The following NRG3 variants were observed in gnomAD, a reference collection of about 807,000 sequenced individuals.
The protein encoded by NRG3 is pro-neuregulin-3, membrane-bound isoform.
In NRG3, 31 loss-of-function variants were observed where a neutral mutation model predicts 66.9. The observed-to-expected ratio is 0.46, with a 90% CI of 0.35 to 0.63. The LOEUF is 0.63. Ranked by LOEUF, NRG3 falls within the 20% of genes least tolerant of loss-of-function variation. The pLI, the probability that NRG3 is intolerant of heterozygous loss-of-function variation, is 0.00. For synonymous variants in NRG3, 393 were observed against 359.4 expected (o/e 1.09, Z -1.06); for missense variants, 910 against 878.9 (o/e 1.04, Z -0.45).
chr10:82,698,158 C>G (rs1243098752), intron 2 of NRG3, among the ~76,000 whole-genome samples: 1 of 147,166 alleles, frequency 6.8e-6, no homozygotes, highest in Non-Finnish European at 1.5e-5. Flanking sequence ...AAAAGCATCT[C>G]AGTTCATAAC....
intron 1 of NRG3, among the ~76,000 whole-genome samples, chr10:82,071,732 G>A (rs1201726944): frequency 6.6e-6 from 1 of 152,068 alleles, no homozygotes; most frequent in Admixed American, 6.6e-5. Flanking sequence ...TCATCACTCT[G>A]GACACTGTGT....
chr10:82,881,646 A>G (rs981679726), intron 4 of NRG3, among the ~76,000 whole-genome samples: 1 of 152,148 alleles, frequency 6.6e-6, no homozygotes, highest in African/African-American at 2.4e-5. Context: ...ACATTTATCA[A>G]ATTTTGACTT....
intron 4 of NRG3, among the ~76,000 whole-genome samples, chr10:82,925,895 A>G (rs1454547267): frequency 6.6e-6 from 1 of 152,212 alleles, no homozygotes; most frequent in East Asian, 1.9e-4. Context: ...GCCCAGGCTA[A>G]TGCAACTAGC....
intron 1 of NRG3, among the ~76,000 whole-genome samples, chr10:82,249,783 C>T (rs1237087053): frequency 6.6e-6 from 1 of 152,186 alleles, no homozygotes; most frequent in Non-Finnish European, 1.5e-5. Context: ...TTTTGCAATA[C>T]ATTCTTTCGT....
intron 1 of NRG3, among the ~76,000 whole-genome samples, chr10:82,295,271 A>G (rs1030749201): frequency 3.3e-5 from 5 of 152,208 alleles, no homozygotes; most frequent in African/African-American, 1.2e-4. Flanking sequence ...TAAGATGTAG[A>G]TGGGATTCCA....
At chr10:82,328,665 G>A (rs946492180) in intron 1 of NRG3, among the ~76,000 whole-genome samples, 17 of 152,146 alleles carry the variant, frequency 1.1e-4, no homozygotes, top group Non-Finnish European at 1.9e-4. Flanking sequence ...CTGCCTTGGA[G>A]TGATTTCAAG....
At chr10:82,969,710 C>T (rs1851554087) in intron 6 of NRG3, among the ~76,000 whole-genome samples, 1 of 152,180 alleles carries the variant, frequency 6.6e-6, no homozygotes, top group East Asian at 1.9e-4. Context: ...TCCCTAGTCT[C>T]CATAGCTTAT....
intron 2 of NRG3, among the ~76,000 whole-genome samples, chr10:82,410,214 G>A (rs936005895): frequency 2.6e-5 from 4 of 152,076 alleles, no homozygotes; most frequent in Non-Finnish European, 5.9e-5. Context: ...ATCTATGGCT[G>A]GGCGTGGTGG....
chr10:82,348,593 TC>T (rs1210547269), intron 1 of NRG3, among the ~76,000 whole-genome samples: 1 of 146,708 alleles, frequency 6.8e-6, no homozygotes, highest in Non-Finnish European at 1.5e-5. Context: ...TCTCTGTATT[TC>T]CTGAATCTGA....
chr10:82,682,398 CAGATAGAT>C (rs57109130), intron 2 of NRG3, among the ~76,000 whole-genome samples: 6,551 of 149,604 alleles, frequency 0.044, 168 homozygotes, highest in Admixed American at 0.086. Flanking sequence ...AGTAGATAGA[CAGATAGAT>C]AGATAGATAG....
intron 4 of NRG3, among the ~76,000 whole-genome samples, chr10:82,881,092 A>C (rs552851333): frequency 1.3e-5 from 2 of 152,336 alleles, no homozygotes; most frequent in East Asian, 3.9e-4. Flanking sequence ...TTATGCACAA[A>C]ATACTAAACT....
intron 1 of NRG3, among the ~76,000 whole-genome samples, chr10:82,325,102 A>G (rs2081794809): frequency 6.6e-6 from 1 of 152,162 alleles, no homozygotes; most frequent in Admixed American, 6.5e-5. Context: ...AGCTGCATAG[A>G]TATTTATCAT....
chr10:82,340,011 G>C (rs1475029357), intron 1 of NRG3, among the ~76,000 whole-genome samples: 2 of 152,112 alleles, frequency 1.3e-5, no homozygotes, highest in Non-Finnish European at 2.9e-5. Flanking sequence ...CGGTCAGCCA[G>C]AGTGAATACT....
At chr10:82,548,644 G>A (rs1024144201) in intron 2 of NRG3, among the ~76,000 whole-genome samples, 8 of 151,920 alleles carry the variant, frequency 5.3e-5, no homozygotes, top group African/African-American at 1.5e-4. Flanking sequence ...CCAAATAGAT[G>A]TGTTCAGGAG....
At chr10:82,138,618 G>A (rs1270641084) in intron 1 of NRG3, among the ~76,000 whole-genome samples, 4 of 152,106 alleles carry the variant, frequency 2.6e-5, no homozygotes, top group Non-Finnish European at 4.4e-5. Context: ...AAAGTCCCAC[G>A]ATAGGCCATC....
chr10:82,456,715 A>C, intron 2 of NRG3, among the ~76,000 whole-genome samples: 1 of 152,134 alleles, frequency 6.6e-6, no homozygotes, highest in East Asian at 1.9e-4. Context: ...CATAGAAACA[A>C]AATTGTGACA....
At chr10:82,406,198 A>C (rs1419434871) in intron 2 of NRG3, among the ~76,000 whole-genome samples, 1 of 152,238 alleles carries the variant, frequency 6.6e-6, no homozygotes, top group Non-Finnish European at 1.5e-5. Context: ...TTGCTGATTC[A>C]CATATGAAAG....
At chr10:82,551,973 T>C (rs1243923282) in intron 2 of NRG3, among the ~76,000 whole-genome samples, 1 of 152,110 alleles carries the variant, frequency 6.6e-6, no homozygotes, top group Non-Finnish European at 1.5e-5. Context: ...CACAATTCAT[T>C]GTTGAGGGAC....
chr10:82,048,952 A>AAT (rs2063451840), intron 1 of NRG3, among the ~76,000 whole-genome samples: 1 of 152,162 alleles, frequency 6.6e-6, no homozygotes, highest in Non-Finnish European at 1.5e-5. Context: ...CAAACTACCA[A>AAT]CAGAGAATAC....
Sources: gnomAD v4.1 joint callset for allele counts (sites outside exome capture counted in the v4.1 genomes callset) on GRCh38, gnomAD v4.1.1 for gene constraint, MANE v1.5 for transcripts, NCBI Gene and HGNC (gene_info 2026-07-23, HGNC 2026-07-21) for gene names.